Variants in MDGA2 observed in about 807,000 individuals in gnomAD.
MDGA2 encodes MAM domain-containing glycosylphosphatidylinositol anchor protein 2.
MDGA2 carries 40 observed loss-of-function variants against 117.8 expected under a neutral mutation model. That is an observed-to-expected ratio of 0.34 (90% CI 0.26 to 0.44). The LOEUF is 0.44. Ranked by LOEUF, MDGA2 falls within the 20% of genes least tolerant of loss-of-function variation. The pLI, the probability that MDGA2 is intolerant of heterozygous loss-of-function variation, is 1.00. For synonymous variants in MDGA2, 452 were observed against 439.0 expected, an observed-to-expected ratio of 1.03 and a Z score of -0.37; for missense variants, 1,123 against 1,250.6, an observed-to-expected ratio of 0.90 and a Z score of 1.54.
intron 1 of MDGA2, among the ~76,000 whole-genome samples, chr14:47,506,739 G>A (rs1359041918): frequency 6.6e-6 from 1 of 152,162 alleles, no homozygotes; most frequent in East Asian, 1.9e-4. Flanking sequence ...TGCAGGCCGG[G>A]CGGGGCAGCT....
intron 2 of MDGA2, among the ~76,000 whole-genome samples, chr14:47,225,495 G>T (rs1210480456): frequency 2.6e-5 from 4 of 151,878 alleles, no homozygotes; most frequent in African/African-American, 9.7e-5. Flanking sequence ...AAAAGGATGA[G>T]TTCATGTCCT....
intron 14 of MDGA2, among the ~76,000 whole-genome samples, chr14:46,859,485 A>T (rs1395656694): frequency 6.6e-6 from 1 of 152,128 alleles, no homozygotes; most frequent in Non-Finnish European, 1.5e-5. Flanking sequence ...ATTGTACAGT[A>T]CACTAATCTT....
chr14:46,966,573 CTG>C (rs1005881819), intron 8 of MDGA2, among the ~76,000 whole-genome samples: 32 of 152,134 alleles, frequency 2.1e-4, no homozygotes, highest in African/African-American at 7.5e-4. Flanking sequence ...CAAATTCAAA[CTG>C]CAGTTTATAT....
chr14:47,121,651 A>C (rs1881658820), intron 5 of MDGA2, among the ~76,000 whole-genome samples: 1 of 152,052 alleles, frequency 6.6e-6, no homozygotes, highest in African/African-American at 2.4e-5. Flanking sequence ...AGAGCCTACT[A>C]TTTGCCAGTT....
intron 1 of MDGA2, among the ~76,000 whole-genome samples, chr14:47,593,729 G>T (rs1004614272): frequency 6.6e-6 from 1 of 152,064 alleles, no homozygotes; most frequent in Non-Finnish European, 1.5e-5. Context: ...CCTGTTGGGG[G>T]ATGGGGGAGG....
intron 3 of MDGA2, among the ~76,000 whole-genome samples, chr14:47,184,428 A>AT (rs933930899): frequency 6.6e-5 from 10 of 151,882 alleles, no homozygotes; most frequent in Admixed American, 6.6e-4. Context: ...ATAATGACAG[A>AT]TTTTATAAAT....
At chr14:47,115,572 A>G (rs985415442) in intron 5 of MDGA2, among the ~76,000 whole-genome samples, 2 of 151,998 alleles carry the variant, frequency 1.3e-5, no homozygotes, top group African/African-American at 4.8e-5. Context: ...AAAAGAGGGG[A>G]AAAGGAGAAA....
In MDGA2 at chr14:47,227,605, G is replaced by A. The variant is rs115712471; in HGVS notation, c.421-9410C>T. ...AAGTTCATTAAGGCAAGGACTATTC[G>A]TAAACTTGGTATCTCCAGCCCAAAT... On this transcript the variant is annotated intron_variant, in intron 2 of 16. Transcript: ENST00000399232. 2.4e-3 allele frequency among the ~76,000 whole-genome samples: 364 copies of A among 151,930 alleles called. 2 individuals are homozygous for A. The highest frequency in any genetic ancestry group is 8.5e-3 in the African/African-American group (351 of 41,420).
chr14:47,316,002 A>C (rs1346626529), intron 1 of MDGA2, among the ~76,000 whole-genome samples: 1 of 152,106 alleles, frequency 6.6e-6, no homozygotes, highest in African/African-American at 2.4e-5. Context: ...AAAGAGTTAA[A>C]TCTTCCCAAT....
At chr14:47,171,302 A>ATAAT (rs1884122011) in intron 3 of MDGA2, among the ~76,000 whole-genome samples, 1 of 152,134 alleles carries the variant, frequency 6.6e-6, no homozygotes, top group Non-Finnish European at 1.5e-5. Flanking sequence ...AATAATACTA[A>ATAAT]GGCCCAAACA....
intron 3 of MDGA2, among the ~76,000 whole-genome samples, chr14:47,177,168 T>A (rs970141414): frequency 6.6e-5 from 10 of 152,146 alleles, no homozygotes; most frequent in African/African-American, 2.4e-4. Flanking sequence ...CTAGAGAGGA[T>A]GTGGAGAAAT....
chr14:46,845,402 A>G (rs2138270433), intron 16 of MDGA2, among the ~76,000 whole-genome samples: 1 of 152,348 alleles, frequency 6.6e-6, no homozygotes, highest in South Asian at 2.1e-4. Context: ...TGACTAATAC[A>G]ATTTACATTG....
intron 7 of MDGA2, among the ~76,000 whole-genome samples, chr14:47,037,671 G>A (rs1888905600): frequency 1.3e-5 from 2 of 151,778 alleles, no homozygotes; most frequent in Admixed American, 6.6e-5. Context: ...AGTGGATAAG[G>A]CCAACATCTA....
rs3985119 is a variant in MDGA2, at chr14:46,959,251, ATGTGTGTGTGTGTGTGTGTGTGTGTG to A, written c.1820-1634_1820-1609del. Among the ~76,000 whole-genome samples, 13 of 140,132 alleles carry A rather than the reference ATGTGTGTGTGTGTGTGTGTGTGTGTG, an allele frequency of 9.3e-5. 1 individual carries two copies. Among genetic ancestry groups the A allele is most frequent in the Non-Finnish European group, 7.8e-5 (5 of 63,850 alleles). 91.9% of individuals were successfully genotyped at this position (140,132 alleles called of 152,430 possible). A position where few individuals can be genotyped will look rare whatever the true frequency, so the allele number is the denominator to read the frequency against. ...TCTTTTATCTCCAGCAATGCTATAT[ATGTGTGTGTGTGTGTGTGTGTGTGTG>A]TGTGTGTGTGTGTGTGTGTGTGTGT... On this transcript the variant is annotated intron_variant, in intron 8 of 16. Coordinates refer to ENST00000399232, the MANE Select transcript of MDGA2 (RefSeq NM_001113498.3).
intron 3 of MDGA2, among the ~76,000 whole-genome samples, chr14:47,155,905 T>C (rs79375737): frequency 3.2e-5 from 1 of 31,726 alleles, no homozygotes; most frequent in Non-Finnish European, 6.2e-5. Flanking sequence ...TTTTTTTTTT[T>C]TTTTTTTTTT....
At chr14:47,460,314 AGAGTAAAGAAG>A (rs1893455863) in intron 1 of MDGA2, among the ~76,000 whole-genome samples, 1 of 152,292 alleles carries the variant, frequency 6.6e-6, no homozygotes, top group African/African-American at 2.4e-5. Context: ...AAGGAAAAAA[AGAGTAAAGAAG>A]GTTTGAAATG....
At chr14:47,379,471 C>A (rs1891560868) in intron 1 of MDGA2, among the ~76,000 whole-genome samples, 1 of 152,088 alleles carries the variant, frequency 6.6e-6, no homozygotes, top group South Asian at 2.1e-4. Flanking sequence ...ATTTAGGAGA[C>A]CCATCTCACG....
chr14:47,476,391 T>G (rs918011740), intron 1 of MDGA2, among the ~76,000 whole-genome samples: 1 of 152,268 alleles, frequency 6.6e-6, no homozygotes, highest in African/African-American at 2.4e-5. Context: ...GGTTTTTTTT[T>G]GTAAAATAAA....
chr14:47,236,044 G>A (rs1886847551), intron 2 of MDGA2, among the ~76,000 whole-genome samples: 1 of 152,060 alleles, frequency 6.6e-6, no homozygotes, highest in African/African-American at 2.4e-5. Flanking sequence ...TGTAATCCCA[G>A]CACTTTGGAA....
Sources: gnomAD v4.1 joint callset for allele counts (sites outside exome capture counted in the v4.1 genomes callset) on GRCh38, gnomAD v4.1.1 for gene constraint, MANE v1.5 for transcripts, NCBI Gene and HGNC (gene_info 2026-07-23, HGNC 2026-07-21) for gene names.